GNAQ: variants seen among roughly 807,000 people sequenced by gnomAD.
The protein encoded by GNAQ is G protein subunit alpha q.
A neutral mutation model predicts 43.9 loss-of-function variants in GNAQ; 8 were observed. The ratio of observed to expected loss-of-function variants is 0.18; its 90% CI spans 0.11 to 0.33. GNAQ has a LOEUF of 0.33. Ranked by LOEUF, GNAQ falls within the 10% of genes least tolerant of loss-of-function variation. The pLI is 1.00. For synonymous variants in GNAQ, 155 were observed against 170.7 expected, an observed-to-expected ratio of 0.91 and a Z score of 0.71; for missense variants, 158 against 450.8, an observed-to-expected ratio of 0.35 and a Z score of 5.88.
intron 5 of GNAQ, among the ~76,000 whole-genome samples, chr9:77,759,470 T>C (rs1825954772): frequency 6.6e-6 from 1 of 152,126 alleles, no homozygotes. Flanking sequence ...AATTCTGAGA[T>C]AATATGCTTT....
At chr9:77,818,270 G>A (rs1587930594) in intron 2 of GNAQ, among the ~76,000 whole-genome samples, 1 of 152,194 alleles carries the variant, frequency 6.6e-6, no homozygotes, top group East Asian at 1.9e-4. Context: ...CATCCTTGCT[G>A]TTTTGGAAAA....
intron 5 of GNAQ, among the ~76,000 whole-genome samples, chr9:77,791,174 GGTCTCA>G (rs1365846195): frequency 6.6e-6 from 1 of 152,078 alleles, no homozygotes; most frequent in Non-Finnish European, 1.5e-5. Context: ...AGGAGAAAAA[GGTCTCA>G]GTCTTTGAGA....
At chr9:77,840,479 G>T (rs188412719) in intron 2 of GNAQ, among the ~76,000 whole-genome samples, 25 of 151,918 alleles carry the variant, frequency 1.6e-4, no homozygotes, top group African/African-American at 6.0e-4. Context: ...TGGGATTACA[G>T]GCATGCGCCA....
intron 2 of GNAQ, among the ~76,000 whole-genome samples, chr9:77,850,629 T>C (rs554447606): frequency 1.3e-5 from 2 of 152,300 alleles, no homozygotes; most frequent in South Asian, 2.1e-4. Context: ...TAGAACTTCC[T>C]AGCCTCCTCA....
intron 5 of GNAQ, among the ~76,000 whole-genome samples, chr9:77,733,913 A>C (rs1412178422): frequency 6.6e-6 from 1 of 152,218 alleles, no homozygotes; most frequent in East Asian, 1.9e-4. Context: ...GCAAGGAGGA[A>C]AAGAGAGCAA....
chr9:77,746,131 G>C (rs1825725221), intron 5 of GNAQ, among the ~76,000 whole-genome samples: 1 of 152,116 alleles, frequency 6.6e-6, no homozygotes, highest in African/African-American at 2.4e-5. Context: ...TCTATACCCA[G>C]CCAAAATATC....
At chr9:77,836,767 T>C (rs1189508911) in intron 2 of GNAQ, among the ~76,000 whole-genome samples, 3 of 152,218 alleles carry the variant, frequency 2.0e-5, no homozygotes, top group Admixed American at 2.0e-4. Context: ...ATTATTACTA[T>C]TAAACTATAC....
At chr9:77,822,527 TTTTA>T (rs1827133140) in intron 2 of GNAQ, among the ~76,000 whole-genome samples, 3 of 152,152 alleles carry the variant, frequency 2.0e-5, no homozygotes, top group South Asian at 2.1e-4. Flanking sequence ...TGGAATTTTA[TTTTA>T]TTTGACAACA....
chr9:77,778,214 TACACACACACACAC>T lies in GNAQ; in HGVS notation c.735+16235_735+16248del, dbSNP rs34540195. Among the ~76,000 whole-genome samples, 854 of 149,616 alleles carry T rather than the reference TACACACACACACAC, an allele frequency of 5.7e-3. 1 individual carries two copies. Among genetic ancestry groups the T allele is most frequent in the African/African-American group, 0.02 (806 of 40,972 alleles). On this transcript the variant is annotated intron_variant, in intron 5 of 6. Transcript: ENST00000286548. The stretch of plus-strand genomic sequence containing the variant: ...TTATATATACATAGTTTTACACGTT[TACACACACACACAC>T]ACACACACACACACGTATTCCTCTA...
chr9:77,755,299 T>C (rs1825883929), intron 5 of GNAQ, among the ~76,000 whole-genome samples: 1 of 152,180 alleles, frequency 6.6e-6, no homozygotes, highest in Non-Finnish European at 1.5e-5. Context: ...GAATAAGATC[T>C]AGTATTTGAT....
At chr9:77,827,773 A>G (rs1031027881) in intron 2 of GNAQ, among the ~76,000 whole-genome samples, 36 of 152,278 alleles carry the variant, frequency 2.4e-4, no homozygotes, top group African/African-American at 8.2e-4. Flanking sequence ...AGAAATATCA[A>G]TCTTTCTAGA....
intron 1 of GNAQ, among the ~76,000 whole-genome samples, chr9:77,934,689 A>G (rs941520330): frequency 6.6e-6 from 1 of 152,218 alleles, no homozygotes; most frequent in Admixed American, 6.5e-5. Context: ...AGTGTGCCTA[A>G]TACGCATACA....
rs528102206 is a variant in GNAQ, at chr9:77,802,395, T to C, written c.477-4747A>G. On this transcript the variant is annotated intron_variant, in intron 3 of 6. Transcript: ENST00000286548. ...GTTCTAGCATGGTAAGAGTAGAACA[T>C]CATCATTTGATGGTCCTCGTCACAT... is the stretch of plus-strand genomic sequence containing the variant. 4.6e-5 allele frequency among the ~76,000 whole-genome samples: 7 copies of C among 152,168 alleles called. No individual in the cohort carries two copies. The South Asian group carries it at 1.2e-3, about 27-fold the overall frequency.
At chr9:77,843,858 C>T (rs1389375130) in intron 2 of GNAQ, among the ~76,000 whole-genome samples, 1 of 152,128 alleles carries the variant, frequency 6.6e-6, no homozygotes, top group Non-Finnish European at 1.5e-5. Context: ...ATTTGCAGTT[C>T]CATCTCAAGG....
At chr9:77,893,683 T>C (rs1341455565) in intron 2 of GNAQ, among the ~76,000 whole-genome samples, 1 of 152,120 alleles carries the variant, frequency 6.6e-6, no homozygotes, top group Non-Finnish European at 1.5e-5. Flanking sequence ...GGGGATCCCT[T>C]TCTGGTAACA....
Position 77,937,796 on chromosome 9 carries a change from G to A in GNAQ, c.137-15451C>T, listed in dbSNP as rs139807573. Among the ~76,000 whole-genome samples the A allele has an allele frequency of 4.9e-3, 739 of 152,318 alleles. 8 individuals carry two copies. The highest frequency in any genetic ancestry group is 0.017 in the African/African-American group (713 of 41,568). On this transcript the variant is annotated intron_variant, in intron 1 of 6. Coordinates refer to ENST00000286548, the MANE Select transcript of GNAQ (RefSeq NM_002072.5). ...AGTCCCAGCTACTCGGGAGGCTGAG[G>A]CAGGAGAATCCTTTGAACCTGGGAG...
At chr9:77,841,468 T>A (rs1827489371) in intron 2 of GNAQ, among the ~76,000 whole-genome samples, 2 of 152,296 alleles carry the variant, frequency 1.3e-5, no homozygotes, top group South Asian at 4.1e-4. Flanking sequence ...ATTCGGCAAT[T>A]TTCTCACAAT....
intron 1 of GNAQ, among the ~76,000 whole-genome samples, chr9:77,965,651 C>T (rs1220687038): frequency 2.0e-5 from 3 of 152,140 alleles, no homozygotes; most frequent in Non-Finnish European, 4.4e-5. Flanking sequence ...AGATACTTCA[C>T]ACCCATTTAA....
chr9:77,898,815 A>G (rs1242487027), intron 2 of GNAQ, among the ~76,000 whole-genome samples: 1 of 152,174 alleles, frequency 6.6e-6, no homozygotes, highest in Non-Finnish European at 1.5e-5. Context: ...TTTTTACAAC[A>G]TATACATTTT....
Sources: allele counts gnomAD v4.1 joint callset (sites outside exome capture counted in the v4.1 genomes callset), GRCh38; gene constraint gnomAD v4.1.1; transcripts MANE v1.5; gene names NCBI Gene and HGNC (gene_info 2026-07-23, HGNC 2026-07-21).